SLC7A10: variants seen among roughly 807,000 people sequenced by gnomAD.
The protein encoded by SLC7A10 is solute carrier family 7 member 10.
In SLC7A10, 30 loss-of-function variants were observed where a neutral mutation model predicts 52.7. The ratio of observed to expected loss-of-function variants is 0.57; its 90% CI spans 0.43 to 0.77. The LOEUF (loss-of-function observed/expected upper bound fraction) is 0.77, where lower values mean the gene tolerates loss of function less well. SLC7A10 is among the 30% of genes least tolerant of loss of function. The pLI, the probability that SLC7A10 is intolerant of heterozygous loss-of-function variation, is 0.00. For missense variants in SLC7A10, 581 were observed against 698.5 expected (o/e 0.83, Z 1.90); for synonymous variants, 318 against 314.9 (o/e 1.01, Z -0.10).
intron 1 of SLC7A10, among the ~76,000 whole-genome samples, chr19:33,222,021 T>G (rs192702692): frequency 6.6e-6 from 1 of 152,296 alleles, no homozygotes; most frequent in African/African-American, 2.4e-5. Context: ...GAAGCCTAGT[T>G]GGACAAGCTC....
At chr19:33,223,350 A>G (rs570595827) in intron 1 of SLC7A10, among the ~76,000 whole-genome samples, 3 of 151,346 alleles carry the variant, frequency 2.0e-5, no homozygotes, top group Admixed American at 2.0e-4. Context: ...AAAGGAAAGG[A>G]AAGGAAGCAG....
At chr19:33,209,246 G>T in intron 10 of SLC7A10, 62 bp downstream of exon 10, 1 of 1,604,672 alleles carries the variant, frequency 6.2e-7, no homozygotes. Flanking sequence ...GCCTCTAAGA[G>T]GGAGGTCTGG....
chr19:33,218,433 C>G (rs1974735218), intron 1 of SLC7A10, among the ~76,000 whole-genome samples: 1 of 152,022 alleles, frequency 6.6e-6, no homozygotes. Flanking sequence ...TCCCTCTGGG[C>G]CTAGACCACT....
chr19:33,223,943 T>TCACCACCACCAC (rs80120440), intron 1 of SLC7A10, among the ~76,000 whole-genome samples: 7 of 147,108 alleles, frequency 4.8e-5, no homozygotes, highest in African/African-American at 1.5e-4. Context: ...ACCTCTACCA[T>TCACCACCACCAC]CACCACCACC....
chr19:33,215,789 C>T lies in SLC7A10; in HGVS notation c.336G>A (p.Glu112=), dbSNP rs79717007. 1 of 1,561,718 alleles carries T rather than the reference C, an allele frequency of 6.4e-7. No individual in the cohort carries two copies. The highest frequency in any genetic ancestry group is 8.7e-7 in the Non-Finnish European group (1 of 1,153,000). Residue 112 remains glutamate (E), a synonymous_variant, in exon 2 of 11, where the codon GAG becomes GAA. Transcript: ENST00000253188. ...KSGGDYAYVT[E]IFGGLAGFLL... Reference sequence around the variant, plus strand: ...CTCACCCAGCCAGGCCCCCGAAGATCTCTGTGACGTAGGCGTAGTCCCCGC... The same window carrying T: ...CTCACCCAGCCAGGCCCCCGAAGATTTCTGTGACGTAGGCGTAGTCCCCGC...
At position 33,212,595 on chromosome 19, in the gene SLC7A10, G is replaced by C; in HGVS notation, c.553C>G (p.Arg185Gly). ...VNSSSVRWAT[R>G]IQDMFTGGKL... is the part of the protein sequence containing the mutation. ...CCGCCTGTGAACATGTCCTGGATGC[G>C]CGTGGCCCAGCGCACACTGGAGCTG... is the stretch of plus-strand genomic sequence containing the variant. The change falls in exon 4 of 11, where the codon CGC becomes GGC. Residue 185 changes from arginine to glycine, a missense_variant. Transcript: ENST00000253188. The C allele has an allele frequency of 6.2e-7, 1 of 1,613,922 alleles. No individual in the cohort carries two copies. The highest frequency in any genetic ancestry group is 1.3e-5 in the African/African-American group (1 of 75,074).
chr19:33,215,874 C>A lies in SLC7A10; in HGVS notation c.251G>T (p.Gly84Val), dbSNP rs879875581. 6.2e-7 allele frequency: 1 copy of A among 1,608,834 alleles called. No individual in the cohort carries two copies. The highest frequency in any genetic ancestry group is 1.7e-4 in the Middle Eastern group (1 of 6,050). ...LALFVWVLGG[G>V]VTALGSLCYA... ...GCAGAGGGAGCCCAGAGCCGTCACG[C>A]CCCCACCCAGGACCCAGACGAACAG... The change falls in exon 2 of 11, where the codon GGC (glycine) becomes GTC (valine). Residue 84 changes from glycine to valine, a missense_variant. Physicochemically the swap from Gly to Val is moderately radical, Grantham distance 109. Coordinates refer to ENST00000253188, the MANE Select transcript of SLC7A10 (RefSeq NM_019849.3).
intron 1 of SLC7A10, among the ~76,000 whole-genome samples, chr19:33,224,063 A>T (rs1437866529): frequency 1.3e-5 from 2 of 149,680 alleles, no homozygotes; most frequent in Non-Finnish European, 3.0e-5. Context: ...TGGGGAGGGG[A>T]TAGAGTAGGA....
In SLC7A10 at chr19:33,209,026, GGACA is replaced by G; in HGVS notation, c.1442-9_1442-6del. 1 of 1,613,614 alleles carries G rather than the reference GGACA, an allele frequency of 6.2e-7. No individual in the cohort carries two copies. Among genetic ancestry groups the G allele is most frequent in the Non-Finnish European group, 8.5e-7 (1 of 1,180,004 alleles). On this transcript the variant is annotated splice_polypyrimidine_tract_variant and splice_region_variant and intron_variant, in intron 10 of 10. Coordinates refer to ENST00000253188, the MANE Select transcript of SLC7A10 (RefSeq NM_019849.3). Reference sequence around the variant, plus strand: ...GGCCCCAGTGTGTCATGGACTCTGAGGACAGACAGATGGACCTTGGGGCCTGACC... The same window carrying G: ...GGCCCCAGTGTGTCATGGACTCTGAGGACAGATGGACCTTGGGGCCTGACC...
At chr19:33,218,330 C>T (rs1042565255) in intron 1 of SLC7A10, among the ~76,000 whole-genome samples, 5 of 152,214 alleles carry the variant, frequency 3.3e-5, no homozygotes, top group African/African-American at 1.2e-4. Context: ...TTGTTTGGAA[C>T]ACGTGGCCTC....
chr19:33,213,672 G>A (rs1182846796), intron 2 of SLC7A10, among the ~76,000 whole-genome samples: 1 of 152,198 alleles, frequency 6.6e-6, no homozygotes, highest in African/African-American at 2.4e-5. Flanking sequence ...CAGACCTCTC[G>A]GCTTCAGCCC....
Position 33,212,800 on chromosome 19 carries a change from A to G in SLC7A10, c.508+51T>C, listed in dbSNP as rs11673535. ...TGTCCTCCTGCTCAGGGCAGGATGG[A>G]GCCCGGGCAGGTGGCTGATCTGGGG... On this transcript the variant is annotated intron_variant, in intron 3 of 10. Transcript: ENST00000253188. 961,674 of 1,608,102 alleles carry G rather than the reference A, an allele frequency of 0.6. 297,425 individuals are homozygous for G. Among genetic ancestry groups the G allele is most frequent in the Non-Finnish European group, 0.64 (755,022 of 1,176,264 alleles).
chr19:33,209,036 A>G lies in SLC7A10; in HGVS notation c.1442-15T>C, dbSNP rs371229739. ...TGTCATGGACTCTGAGGACAGACAG[A>G]TGGACCTTGGGGCCTGACCTCTCGG... On this transcript the variant is annotated splice_polypyrimidine_tract_variant and intron_variant, in intron 10 of 10. Coordinates refer to ENST00000253188, the MANE Select transcript of SLC7A10 (RefSeq NM_019849.3). 1,038 of 1,613,230 alleles carry G rather than the reference A, an allele frequency of 6.4e-4. 2 individuals carry two copies. Among genetic ancestry groups the G allele is most frequent in the Non-Finnish European group, 8.3e-4 (985 of 1,179,974 alleles).
chr19:33,212,374 G>C lies in SLC7A10; in HGVS notation c.706C>G (p.Leu236Val). The C allele has an allele frequency of 6.2e-7, 1 of 1,613,886 alleles. No individual in the cohort carries two copies. Among genetic ancestry groups the C allele is most frequent in the African/African-American group, 1.3e-5 (1 of 75,074 alleles). The change falls in exon 5 of 11, where the codon CTG becomes GTG. Residue 236 changes from leucine (L) to valine (V), a missense_variant. By Grantham distance (32) the Leu-to-Val change is conservative. Coordinates refer to ENST00000253188, the MANE Select transcript of SLC7A10 (RefSeq NM_019849.3). ...GCGAAGGAGCCCTGGAGGAAGGCCA[G>C]GGCCAGGTGTCCCACGGAGGGCGTC... is the stretch of plus-strand genomic sequence containing the variant. ...WMTPSVGHLA[L>V]AFLQGSFAFS...
intron 1 of SLC7A10, among the ~76,000 whole-genome samples, chr19:33,222,110 G>A (rs1243708917): frequency 1.3e-5 from 2 of 152,138 alleles, no homozygotes; most frequent in African/African-American, 4.8e-5. Flanking sequence ...AGTATAAAGG[G>A]CACTGGGACC....
At chr19:33,219,532 G>A (rs1974769476) in intron 1 of SLC7A10, among the ~76,000 whole-genome samples, 1 of 152,222 alleles carries the variant, frequency 6.6e-6, no homozygotes, top group East Asian at 1.9e-4. Context: ...ATGCCTTGAA[G>A]CACATTCTGG....
At chr19:33,212,090 G>A (rs980949241) in intron 5 of SLC7A10, 34 of 677,976 alleles carry the variant, frequency 5.0e-5, no homozygotes, top group Admixed American at 3.0e-4. Flanking sequence ...GGGCTGTGAC[G>A]TGTCCATAGC....
intron 1 of SLC7A10, among the ~76,000 whole-genome samples, chr19:33,223,299 C>A (rs1974851030): frequency 8.8e-6 from 1 of 113,382 alleles, no homozygotes; most frequent in African/African-American, 3.5e-5. Flanking sequence ...CACAGCCAGA[C>A]TCTGTCTCAG....
Position 33,210,419 on chromosome 19 carries a change from G to T in SLC7A10, c.1263+48C>A, listed in dbSNP as rs748930071. ...CCTGGTGCCCACTGTGGATGCAGGG[G>T]TGGCTCTGGCAGCACCCGGCACAGG... On this transcript the variant is annotated intron_variant, in intron 9 of 10. Coordinates refer to ENST00000253188, the MANE Select transcript of SLC7A10 (RefSeq NM_019849.3). This position sits in a 1 kb window ranked among gnomAD's most constrained non-coding sequence, Gnocchi z 5.6. 1 of 1,542,450 alleles carries T rather than the reference G, an allele frequency of 6.5e-7. No individual in the cohort carries two copies. The highest frequency in any genetic ancestry group is 1.4e-5 in the African/African-American group (1 of 73,346).
Sources: allele counts gnomAD v4.1 joint callset (sites outside exome capture counted in the v4.1 genomes callset), GRCh38; gene constraint gnomAD v4.1.1; non-coding constraint Gnocchi (gnomAD v3.1); transcripts MANE v1.5; gene names NCBI Gene and HGNC (gene_info 2026-07-23, HGNC 2026-07-21).